Variants in CNTNAP2 observed in about 807,000 individuals in gnomAD.
CNTNAP2 encodes contactin-associated protein-like 2.
Under a neutral mutation model 155.2 loss-of-function variants are expected in CNTNAP2, and 98 were observed. The ratio of observed to expected loss-of-function variants is 0.63; its 90% CI spans 0.54 to 0.75. The LOEUF (loss-of-function observed/expected upper bound fraction) is 0.75. CNTNAP2 is among the 30% of genes least tolerant of loss of function. CNTNAP2 has a pLI of 0.00. For missense variants in CNTNAP2, 1,727 were observed against 1,688.1 expected, an observed-to-expected ratio of 1.02 and a Z score of -0.40; for synonymous variants, 651 against 631.2, an observed-to-expected ratio of 1.03 and a Z score of -0.47.
intron 1 of CNTNAP2, among the ~76,000 whole-genome samples, chr7:146,671,194 C>A (rs1800298124): frequency 6.6e-6 from 1 of 152,110 alleles, no homozygotes; most frequent in African/African-American, 2.4e-5. Flanking sequence ...TTTCTCTAGA[C>A]AGTGAAGTCA....
At chr7:146,413,908 A>G (rs1022979632) in intron 1 of CNTNAP2, among the ~76,000 whole-genome samples, 1 of 152,144 alleles carries the variant, frequency 6.6e-6, no homozygotes, top group South Asian at 2.1e-4. Flanking sequence ...CACTCCTCTC[A>G]GCATTAGTGG....
intron 13 of CNTNAP2, among the ~76,000 whole-genome samples, chr7:147,867,161 C>T (rs1734365374): frequency 6.6e-6 from 1 of 152,180 alleles, no homozygotes; most frequent in Admixed American, 6.5e-5. Context: ...CAAAATCTCT[C>T]AGCATTTGCT....
chr7:148,021,439 T>G (rs1219319745), intron 15 of CNTNAP2, among the ~76,000 whole-genome samples: 1 of 152,164 alleles, frequency 6.6e-6, no homozygotes, highest in Non-Finnish European at 1.5e-5. Context: ...CCATAGCCAG[T>G]CTACATAAAT....
intron 12 of CNTNAP2, among the ~76,000 whole-genome samples, chr7:147,620,445 A>T (rs1441732437): frequency 6.6e-6 from 1 of 151,886 alleles, no homozygotes; most frequent in Non-Finnish European, 1.5e-5. Flanking sequence ...CGGAGAAGGT[A>T]TTCAGAATTC....
chr7:147,723,523 T>G (rs1024875387), intron 13 of CNTNAP2, among the ~76,000 whole-genome samples: 50 of 152,038 alleles, frequency 3.3e-4, no homozygotes, highest in African/African-American at 1.2e-3. Flanking sequence ...GCGTGTGATC[T>G]CTTTGCAGAC....
chr7:148,156,239 T>TTTTTG (rs1180056075), intron 17 of CNTNAP2, among the ~76,000 whole-genome samples: 4 of 152,182 alleles, frequency 2.6e-5, no homozygotes, highest in Non-Finnish European at 4.4e-5. Context: ...TAATGTTTTG[T>TTTTTG]TTTTGTTTTG....
chr7:148,008,860 C>G (rs1003421113), intron 15 of CNTNAP2, among the ~76,000 whole-genome samples: 1 of 152,208 alleles, frequency 6.6e-6, no homozygotes, highest in African/African-American at 2.4e-5. Flanking sequence ...AGCCAATTCT[C>G]CCTTCTCGTG....
At chr7:147,829,523 C>T (rs139633910) in intron 13 of CNTNAP2, among the ~76,000 whole-genome samples, 63 of 152,256 alleles carry the variant, frequency 4.1e-4, no homozygotes, top group Middle Eastern at 3.4e-3. Context: ...AGATCTCATT[C>T]AATCCTTACA....
At chr7:148,169,943 G>C (rs1042100282) in intron 17 of CNTNAP2, among the ~76,000 whole-genome samples, 2 of 146,362 alleles carry the variant, frequency 1.4e-5, no homozygotes, top group African/African-American at 5.2e-5. Flanking sequence ...CTAAACAATA[G>C]AGTGAAAATC....
At chr7:147,609,019 T>C (rs925467397) in intron 12 of CNTNAP2, among the ~76,000 whole-genome samples, 1 of 152,144 alleles carries the variant, frequency 6.6e-6, no homozygotes, top group African/African-American at 2.4e-5. Flanking sequence ...TTGTGATTCT[T>C]CAGTTACTTC....
At position 148,384,853 on chromosome 7, in the gene CNTNAP2, C is replaced by G. The variant is rs183297809; in HGVS notation, c.3715+965C>G. On this transcript the variant is annotated intron_variant, in intron 22 of 23. Coordinates refer to ENST00000361727, the MANE Select transcript of CNTNAP2 (RefSeq NM_014141.6). The stretch of plus-strand genomic sequence containing the variant: ...CTTCCTAAATGGAGATAAGACCTAA[C>G]CCTTGGAATTCTATTTAAAGTGATG... 3.9e-5 allele frequency among the ~76,000 whole-genome samples: 6 copies of G among 152,246 alleles called. No homozygotes were observed. The East Asian group carries it at 1.2e-3, about 29-fold the overall frequency.
chr7:147,613,854 G>T (rs1801234115), intron 12 of CNTNAP2, among the ~76,000 whole-genome samples: 1 of 152,020 alleles, frequency 6.6e-6, no homozygotes, highest in Non-Finnish European at 1.5e-5. Context: ...AATAAAAAAA[G>T]AAATAATAGA....
intron 13 of CNTNAP2, among the ~76,000 whole-genome samples, chr7:147,796,580 AT>A (rs138008167): frequency 0.29 from 42,439 of 146,484 alleles, 6,484 homozygotes; most frequent in African/African-American, 0.42. Flanking sequence ...TCCAGGATTT[AT>A]TAAAAAAAAA....
At chr7:147,105,589 T>G (rs1800749785) in intron 4 of CNTNAP2, among the ~76,000 whole-genome samples, 1 of 152,020 alleles carries the variant, frequency 6.6e-6, no homozygotes, top group African/African-American at 2.4e-5. Context: ...TATCCCAGAC[T>G]TTTTAAAGAG....
At chr7:147,999,980 C>G (rs1420250678) in intron 15 of CNTNAP2, among the ~76,000 whole-genome samples, 5 of 152,064 alleles carry the variant, frequency 3.3e-5, no homozygotes, top group Admixed American at 6.5e-5. Flanking sequence ...TTTGAGCCAC[C>G]CAGTTTTTGG....
At chr7:147,225,764 AAGGAAGGAAG>A (rs1803509423) in intron 8 of CNTNAP2, among the ~76,000 whole-genome samples, 1 of 136,738 alleles carries the variant, frequency 7.3e-6, no homozygotes, top group Non-Finnish European at 1.6e-5. Context: ...GGAAGGAAGG[AAGGAAGGAAG>A]GAAGGAAGGA....
chr7:148,145,629 C>T (rs184471346), intron 16 of CNTNAP2, among the ~76,000 whole-genome samples: 1 of 152,302 alleles, frequency 6.6e-6, no homozygotes, highest in Admixed American at 6.5e-5. Context: ...AAAAATGCTC[C>T]TGCTAAAATA....
At chr7:146,704,734 G>T (rs559263576) in intron 1 of CNTNAP2, among the ~76,000 whole-genome samples, 1 of 152,114 alleles carries the variant, frequency 6.6e-6, no homozygotes, top group African/African-American at 2.4e-5. Flanking sequence ...CATAGGTCAG[G>T]TTGGCTTAAA....
intron 13 of CNTNAP2, among the ~76,000 whole-genome samples, chr7:147,810,219 A>G (rs1000107556): frequency 1.3e-5 from 2 of 150,668 alleles, no homozygotes; most frequent in Non-Finnish European, 3.0e-5. Flanking sequence ...TATCATATAT[A>G]TAGATATAGA....
Sources: gnomAD v4.1 joint callset for allele counts (sites outside exome capture counted in the v4.1 genomes callset) on GRCh38, gnomAD v4.1.1 for gene constraint, MANE v1.5 for transcripts, NCBI Gene and HGNC (gene_info 2026-07-23, HGNC 2026-07-21) for gene names.